Variants in VIPR1 observed in about 807,000 individuals in gnomAD.
VIPR1 encodes the protein vasoactive intestinal polypeptide receptor 1.
A neutral mutation model predicts 58.8 loss-of-function variants in VIPR1; 59 were observed. The ratio of observed to expected loss-of-function variants is 1.00; its 90% CI spans 0.81 to 1.25. The LOEUF is 1.25. Ranked by LOEUF, VIPR1 falls within the 50% of genes most tolerant of loss-of-function variation. The pLI is 0.00. For synonymous variants in VIPR1, 251 were observed against 242.1 expected, an observed-to-expected ratio of 1.04 and a Z score of -0.34; for missense variants, 626 against 602.7, an observed-to-expected ratio of 1.04 and a Z score of -0.40.
intron 7 of VIPR1, 181 bp from the exon 8 acceptor site, chr3:42,531,290 A>G: frequency 1.5e-6 from 1 of 666,076 alleles, no homozygotes; most frequent in Non-Finnish European, 2.6e-6. Context: ...ATACAGCTTC[A>G]CCCCCTCAGT....
intron 1 of VIPR1, among the ~76,000 whole-genome samples, chr3:42,496,224 C>T (rs114355421): frequency 0.04 from 6,059 of 151,948 alleles, 285 homozygotes; most frequent in African/African-American, 0.12. Flanking sequence ...GGCAAGACTC[C>T]GTCTCAAAAA....
chr3:42,496,376 G>A (rs1030148346), intron 1 of VIPR1, among the ~76,000 whole-genome samples: 1 of 152,132 alleles, frequency 6.6e-6, no homozygotes, highest in African/African-American at 2.4e-5. Flanking sequence ...ACATAGTATT[G>A]TTTGCAGATA....
At chr3:42,495,837 A>G (rs1699748792) in intron 1 of VIPR1, among the ~76,000 whole-genome samples, 1 of 152,048 alleles carries the variant, frequency 6.6e-6, no homozygotes, top group Admixed American at 6.6e-5. Flanking sequence ...ACCTGAAAGA[A>G]CTTGGAATAA....
Position 42,527,408 on chromosome 3 carries a change from T to C in VIPR1, c.415T>C (p.Tyr139His). 1 of 1,613,628 alleles carries C rather than the reference T, an allele frequency of 6.2e-7. No homozygotes were observed. The highest frequency in any genetic ancestry group is 8.5e-7 in the Non-Finnish European group (1 of 1,179,836). ...CCTCCAACAGCAGCAGACCATGTTC[T>C]ACGGTTCTGTGAAGACCGGCTACAC... ...ASLDEQQTMF[Y>H]GSVKTGYTIG... The change falls in exon 5 of 13, where the codon TAC (tyrosine) becomes CAC (histidine). Residue 139 changes from tyrosine (Y) to histidine (H), a missense_variant. Physicochemically the swap from Tyr to His is moderately conservative, Grantham distance 83. Coordinates refer to ENST00000325123, the MANE Select transcript of VIPR1 (RefSeq NM_004624.4).
chr3:42,495,637 G>T (rs1318736533), intron 1 of VIPR1, among the ~76,000 whole-genome samples: 4 of 152,018 alleles, frequency 2.6e-5, no homozygotes, highest in Non-Finnish European at 5.9e-5. Context: ...ACATAAGTCA[G>T]ACAGCTTCAA....
chr3:42,505,833 A>G (rs1326852943), intron 1 of VIPR1, among the ~76,000 whole-genome samples: 6 of 152,176 alleles, frequency 3.9e-5, no homozygotes, highest in Non-Finnish European at 7.3e-5. Flanking sequence ...GGAAGGTGAG[A>G]GGCCTCCGCC....
chr3:42,504,902 CAAAAAA>C (rs56310463), intron 1 of VIPR1, among the ~76,000 whole-genome samples: 1 of 52,962 alleles, frequency 1.9e-5, no homozygotes, highest in Non-Finnish European at 3.7e-5. Context: ...AAAAGGGAGG[CAAAAAA>C]AAAAAAAAAA....
At chr3:42,507,954 G>C (rs1266823771) in intron 1 of VIPR1, 1 of 29,854 alleles carries the variant, frequency 3.3e-5, no homozygotes, top group Non-Finnish European at 5.3e-5. Flanking sequence ...AAGTGAGGCT[G>C]GCAAAAAAAA....
At chr3:42,496,844 A>T (rs1435170942) in intron 1 of VIPR1, among the ~76,000 whole-genome samples, 1 of 152,156 alleles carries the variant, frequency 6.6e-6, no homozygotes, top group Admixed American at 6.5e-5. Context: ...TAATCTTCCC[A>T]AACAAACAAT....
intron 1 of VIPR1, among the ~76,000 whole-genome samples, chr3:42,509,951 C>A (rs1020258381): frequency 2.0e-5 from 3 of 152,228 alleles, no homozygotes; most frequent in African/African-American, 7.2e-5. Flanking sequence ...CCACCACCTG[C>A]AACCTGAGGG....
intron 10 of VIPR1, 47 bp downstream of exon 10, chr3:42,532,380 T>C (rs1251600043): frequency 6.4e-7 from 1 of 1,562,874 alleles, no homozygotes; most frequent in Non-Finnish European, 8.8e-7. Context: ...CCATCCCCAG[T>C]CCTCAAATCA....
intron 1 of VIPR1, among the ~76,000 whole-genome samples, chr3:42,505,631 G>C (rs908915334): frequency 1.3e-5 from 2 of 152,238 alleles, no homozygotes; most frequent in African/African-American, 4.8e-5. Context: ...GGAAAAGCGA[G>C]CCCTTTTGGA....
chr3:42,513,818 T>G lies in VIPR1; in HGVS notation c.148T>G (p.Cys50Gly). The change falls in exon 2 of 13, where the codon TGC becomes GGC. Residue 50 changes from cysteine to glycine, a missense_variant. Transcript: ENST00000325123. The part of the protein sequence containing the change: ...VQMIEVQHKQ[C>G]LEEAQLENET... ...GATGATCGAGGTGCAGCACAAGCAG[T>G]GCCTGGAGGAGGCCCAGCTGGAGAA... 3 of 1,551,610 alleles carry G rather than the reference T, an allele frequency of 1.9e-6. No homozygotes were observed. Among genetic ancestry groups the G allele is most frequent in the Non-Finnish European group, 2.6e-6 (3 of 1,146,944 alleles).
chr3:42,531,554 C>A (rs1701554950), intron 8 of VIPR1, 23 bp downstream of exon 8: 1 of 1,589,120 alleles, frequency 6.3e-7, no homozygotes, highest in Non-Finnish European at 8.6e-7. Flanking sequence ...CCCACACACT[C>A]CCCCGGCCGC....
rs565201515 is a variant in VIPR1, at chr3:42,521,935, A to T, written c.292+2605A>T. 5.0e-3 allele frequency among the ~76,000 whole-genome samples: 746 copies of T among 149,876 alleles called. 3 individuals carry two copies. Among genetic ancestry groups the T allele is most frequent in the African/African-American group, 0.018 (713 of 40,664 alleles). ...GCTAATTTTTGTATTTTTAGTAGAG[A>T]CAGGGTTTCACTGTATTGGCCAGGC... On this transcript the variant is annotated intron_variant, in intron 3 of 12. Coordinates refer to ENST00000325123, the MANE Select transcript of VIPR1 (RefSeq NM_004624.4).
At chr3:42,532,811 C>T (rs549295331) in intron 10 of VIPR1, 15 of 181,278 alleles carry the variant, frequency 8.3e-5, no homozygotes, top group East Asian at 5.3e-4. Flanking sequence ...GCCAGGCACA[C>T]GCTAAGGGAT....
intron 1 of VIPR1, among the ~76,000 whole-genome samples, chr3:42,510,655 G>A (rs939292066): frequency 1.3e-5 from 2 of 152,132 alleles, no homozygotes; most frequent in Admixed American, 6.5e-5. Flanking sequence ...GGTGACCTCA[G>A]GTCCCTCTTT....
At chr3:42,535,186 T>C (rs1229249655) in intron 11 of VIPR1, 82 bp downstream of exon 11, 2 of 1,605,580 alleles carry the variant, frequency 1.2e-6, no homozygotes, top group Admixed American at 3.4e-5. Flanking sequence ...TGCCACTGGA[T>C]TCCAACCTTT....
chr3:42,492,729 G>T (rs1699688585), intron 1 of VIPR1, among the ~76,000 whole-genome samples: 1 of 152,214 alleles, frequency 6.6e-6, no homozygotes, highest in African/African-American at 2.4e-5. Context: ...GGAGGAGAAG[G>T]GAAGGACTTC....
Sources: allele counts gnomAD v4.1 joint callset (sites outside exome capture counted in the v4.1 genomes callset), GRCh38; gene constraint gnomAD v4.1.1; transcripts MANE v1.5; gene names NCBI Gene and HGNC (gene_info 2026-07-23, HGNC 2026-07-21).